The following SRL variants were observed in gnomAD, a reference collection of about 807,000 sequenced individuals.
SRL encodes sarcalumenin.
SRL carries 23 observed loss-of-function variants against 39.5 expected under a neutral mutation model. The observed-to-expected ratio is 0.58, with a 90% CI of 0.42 to 0.82. The LOEUF (loss-of-function observed/expected upper bound fraction) is 0.82. Among genes scored for constraint, SRL ranks in the 40% least tolerant of loss-of-function variants. SRL has a pLI of 0.00. For missense variants in SRL, 592 were observed against 607.8 expected, an observed-to-expected ratio of 0.97 and a Z score of 0.27; for synonymous variants, 272 against 237.4, an observed-to-expected ratio of 1.15 and a Z score of -1.34.
At chr16:4,195,502 A>G (rs767095062) in intron 5 of SRL, 51 bp downstream of exon 5, 2 of 1,578,786 alleles carry the variant, frequency 1.3e-6, no homozygotes, top group East Asian at 2.3e-5. Context: ...CTGGCCAAAA[A>G]TAATTTTTTG....
intron 5 of SRL, 145 bp from the exon 6 acceptor site, chr16:4,193,109 A>G (rs537077214): frequency 9.0e-6 from 6 of 667,836 alleles, no homozygotes; most frequent in Non-Finnish European, 1.5e-5. Flanking sequence ...TTAAAAAATC[A>G]ATTGCATATC....
At chr16:4,193,761 A>G (rs1403132000) in intron 5 of SRL, among the ~76,000 whole-genome samples, 1 of 152,116 alleles carries the variant, frequency 6.6e-6, no homozygotes, top group African/African-American at 2.4e-5. Context: ...TGCAAATAAG[A>G]AAACTGAGGA....
chr16:4,238,077 G>T lies in SRL; in HGVS notation c.61+3930C>A, dbSNP rs112068578. Among the ~76,000 whole-genome samples, 3 of 152,220 alleles carry T rather than the reference G, an allele frequency of 2.0e-5. No homozygotes were observed. The East Asian group carries it at 5.8e-4, about 29-fold the overall frequency. The stretch of plus-strand genomic sequence containing the variant: ...GCAGGGATGCAGCAAACGAGGGATG[G>T]GTTCACGAATGATGGAACACGTTGA... On this transcript the variant is annotated intron_variant, in intron 1 of 5. Coordinates refer to ENST00000399609, the MANE Select transcript of SRL (RefSeq NM_001098814.2).
At chr16:4,235,853 C>T (rs2052708498) in intron 1 of SRL, among the ~76,000 whole-genome samples, 1 of 152,156 alleles carries the variant, frequency 6.6e-6, no homozygotes, top group South Asian at 2.1e-4. Flanking sequence ...ACTTGGGAGG[C>T]CGAGGTGAGC....
intron 1 of SRL, among the ~76,000 whole-genome samples, chr16:4,229,458 AC>A (rs1290228094): frequency 1.3e-5 from 2 of 152,104 alleles, no homozygotes; most frequent in Admixed American, 1.3e-4. Flanking sequence ...TCAAAAAAAA[AC>A]AAAAAACATG....
In SRL at chr16:4,241,891, C is replaced by T. The variant is rs2052776772; in HGVS notation, c.61+116G>A. ...AAGAGAAGGGTAAGAAGACACCAGC[C>T]AAGAGCCAGGGTTTGCCATCAGCCC... On this transcript the variant is annotated intron_variant, in intron 1 of 5. Coordinates refer to ENST00000399609, the MANE Select transcript of SRL (RefSeq NM_001098814.2). The T allele has an allele frequency of 3.6e-6, 4 of 1,103,518 alleles. No homozygotes were observed. In the African/African-American group the frequency reaches 4.7e-5, roughly 13 times the overall value. The allele number at this position is 1,103,518 out of a possible 1,614,324, so 68.4% of individuals were successfully genotyped here. A position where few individuals can be genotyped will look rare whatever the true frequency, so the allele number is the denominator to read the frequency against.
At chr16:4,209,541 A>G (rs575891872) in intron 1 of SRL, among the ~76,000 whole-genome samples, 7 of 152,122 alleles carry the variant, frequency 4.6e-5, no homozygotes, top group African/African-American at 1.7e-4. Flanking sequence ...CCCTCCCACA[A>G]AGAAAAGCCA....
At chr16:4,240,763 G>T (rs74003253) in intron 1 of SRL, among the ~76,000 whole-genome samples, 201 of 152,268 alleles carry the variant, frequency 1.3e-3, no homozygotes, top group African/African-American at 4.6e-3. Context: ...CACAGGAGCG[G>T]CCACGAAGGG....
At chr16:4,221,150 G>T (rs1272739547) in intron 1 of SRL, among the ~76,000 whole-genome samples, 1 of 151,738 alleles carries the variant, frequency 6.6e-6, no homozygotes, top group Non-Finnish European at 1.5e-5. Flanking sequence ...CTGGGTTCAA[G>T]TGATTCTCCT....
At position 4,190,448 on chromosome 16, in the gene SRL, GC is replaced by G. The variant is rs1342649804; in HGVS notation, c.*1704del. 2.5e-6 allele frequency: 1 copy of G among 398,642 alleles called. No homozygotes were observed. The highest frequency in any genetic ancestry group is 2.1e-5 in the African/African-American group (1 of 48,636). 24.7% of individuals were successfully genotyped at this position (398,642 alleles called of 1,614,324 possible). Reference sequence around the variant, plus strand: ...GTGTACAAAGGAGCCCCTCGAGGCAGCCCGGGCTGGGTCTCCTGGGCATGCA... The same window carrying G: ...GTGTACAAAGGAGCCCCTCGAGGCAGCCGGGCTGGGTCTCCTGGGCATGCA... On this transcript the variant is annotated 3_prime_UTR_variant, in exon 6 of 6. Transcript: ENST00000399609.
At chr16:4,197,433 T>TTTTG (rs1377597593) in intron 4 of SRL, among the ~76,000 whole-genome samples, 1 of 145,356 alleles carries the variant, frequency 6.9e-6, no homozygotes, top group Non-Finnish European at 1.5e-5. Flanking sequence ...TTTTTTTTTT[T>TTTTG]TTTTTTGAGA....
At position 4,210,344 on chromosome 16, in the gene SRL, G is replaced by A. The variant is rs146075509; in HGVS notation, c.62-5710C>T. Among the ~76,000 whole-genome samples, 12 of 152,274 alleles carry A rather than the reference G, an allele frequency of 7.9e-5. No individual in the cohort carries two copies. In the East Asian group the frequency reaches 1.9e-3, roughly 24 times the overall value. ...CTCTGAACAGCAGGATACGTATAAT[G>A]TATATGACATACATCTGTATGTACA... On this transcript the variant is annotated intron_variant, in intron 1 of 5. Coordinates refer to ENST00000399609, the MANE Select transcript of SRL (RefSeq NM_001098814.2).
chr16:4,192,387 G>A lies in SRL; in HGVS notation c.1188C>T (p.Pro396=), dbSNP rs752940080. Residue 396 remains proline, a synonymous_variant, in exon 6 of 6, where the codon CCC becomes CCT. Transcript: ENST00000399609. The surrounding 1 kb of genome is among the most constrained non-coding windows in gnomAD (Gnocchi z 4.0). The stretch of plus-strand genomic sequence containing the variant: ...AGAAGTCCTTATAGGCCTCGCGGTT[G>A]GGAAGGTCAAATTTGCTGACATTGG... ...AKTNVSKFDL[P]NREAYKDFFG... is the part of the protein sequence containing the mutation. 2.5e-6 allele frequency: 4 copies of A among 1,614,052 alleles called. No homozygotes were observed. The African/African-American group carries it at 5.3e-5, about 22-fold the overall frequency.
chr16:4,205,188 A>G (rs987212088), intron 1 of SRL, among the ~76,000 whole-genome samples: 2 of 152,092 alleles, frequency 1.3e-5, no homozygotes, highest in African/African-American at 4.8e-5. Context: ...GGAGTGGTGC[A>G]CACCCATAGT....
rs1322712154 is a variant in SRL, at chr16:4,204,729, G to C, written c.62-95C>G. 1.7e-5 allele frequency: 17 copies of C among 1,026,338 alleles called. No homozygotes were observed. The South Asian group carries it at 2.2e-4, about 13-fold the overall frequency. 63.6% of individuals were successfully genotyped at this position (1,026,338 alleles called of 1,614,324 possible). ...GCAGACGAGGGCTGGGCCTCAAGCA[G>C]GGGCTCAACAGGGTCTTGCCAAGTT... On this transcript the variant is annotated intron_variant, in intron 1 of 5. Transcript: ENST00000399609.
chr16:4,226,481 GGGTA>G (rs1477720130), intron 1 of SRL, among the ~76,000 whole-genome samples: 1 of 151,954 alleles, frequency 6.6e-6, no homozygotes, highest in Admixed American at 6.6e-5. Flanking sequence ...ACGGATGAAT[GGGTA>G]GGTGGGTGGG....
chr16:4,209,608 G>C (rs560164556), intron 1 of SRL, among the ~76,000 whole-genome samples: 1 of 152,288 alleles, frequency 6.6e-6, no homozygotes, highest in East Asian at 1.9e-4. Context: ...CAAAAGCTGG[G>C]TGGCCTCCAG....
intron 4 of SRL, among the ~76,000 whole-genome samples, chr16:4,196,416 T>C (rs2052142986): frequency 6.6e-6 from 1 of 151,834 alleles, no homozygotes; most frequent in African/African-American, 2.4e-5. Flanking sequence ...CCATTTCCTC[T>C]TCCCCCAGTC....
At position 4,204,561 on chromosome 16, in the gene SRL, A is replaced by G. The variant is rs1157702006; in HGVS notation, c.135T>C (p.Asn45=). The G allele has an allele frequency of 6.2e-7, 1 of 1,613,976 alleles. No individual in the cohort carries two copies. Among genetic ancestry groups the G allele is most frequent in the Non-Finnish European group, 8.5e-7 (1 of 1,179,970 alleles). ...RSHIEKTLML[N]EDKPSDDYSA... ...AGTAGTCATCGGATGGCTTGTCCTCATTCAGCATGAGGGTCTTCTCGATGT... is the reference window on the plus strand; with the variant it reads ...AGTAGTCATCGGATGGCTTGTCCTCGTTCAGCATGAGGGTCTTCTCGATGT... The change falls in exon 2 of 6, where the codon AAT becomes AAC. Residue 45 remains asparagine (N), a synonymous_variant. Transcript: ENST00000399609.
Sources: allele counts gnomAD v4.1 joint callset (sites outside exome capture counted in the v4.1 genomes callset), GRCh38; gene constraint gnomAD v4.1.1; non-coding constraint Gnocchi (gnomAD v3.1); transcripts MANE v1.5; gene names NCBI Gene and HGNC (gene_info 2026-07-23, HGNC 2026-07-21).